ATOSA: variants seen among roughly 807,000 people sequenced by gnomAD.
ATOSA encodes the protein atos homolog A, also known as atos homolog protein A.
At chr15:52,661,580 T>C in the ATOSA span, among the ~76,000 whole-genome samples, 1 of 152,336 alleles carries the variant, frequency 6.6e-6, no homozygotes, top group Non-Finnish European at 1.5e-5. Flanking sequence ...AATAACAAAA[T>C]TATTTTCACG....
At chr15:52,611,909 T>G in the ATOSA span, 1 of 798,736 alleles carries the variant, frequency 1.3e-6, no homozygotes, top group South Asian at 1.8e-5. Context: ...TTGCTCAGAA[T>G]TGGCTATCTA....
the ATOSA span, among the ~76,000 whole-genome samples, chr15:52,589,788 C>T: frequency 6.6e-6 from 1 of 151,788 alleles, no homozygotes; most frequent in Non-Finnish European, 1.5e-5. Context: ...ACATTTTCTT[C>T]TGGCATTTTT....
the ATOSA span, among the ~76,000 whole-genome samples, chr15:52,684,886 G>T: frequency 6.6e-6 from 1 of 152,040 alleles, no homozygotes; most frequent in Non-Finnish European, 1.5e-5. Context: ...TCCACATCAG[G>T]TATTTCTAAT....
At chr15:52,674,853 TATATATAAGCTTATATAACCA>T in the ATOSA span, among the ~76,000 whole-genome samples, 1 of 151,052 alleles carries the variant, frequency 6.6e-6, no homozygotes, top group Non-Finnish European at 1.5e-5. Context: ...TTGTAATGCT[TATATATAAGCTTATATAACCA>T]ATATATAAGC....
At chr15:52,706,551 A>C in the ATOSA span, among the ~76,000 whole-genome samples, 2 of 152,218 alleles carry the variant, frequency 1.3e-5, no homozygotes, top group Non-Finnish European at 1.5e-5. Flanking sequence ...AAGAACAAAC[A>C]ACAAAAAGAA....
At chr15:52,691,883 G>A in the ATOSA span, among the ~76,000 whole-genome samples, 1,915 of 151,742 alleles carry the variant, frequency 0.013, 37 homozygotes, top group African/African-American at 0.045. Context: ...ATTGAAAAAC[G>A]AGTCAAAGAT....
the ATOSA span, among the ~76,000 whole-genome samples, chr15:52,676,478 T>C: frequency 2.0e-5 from 3 of 152,252 alleles, no homozygotes; most frequent in East Asian, 3.9e-4. Context: ...CTGTACTAGT[T>C]TGCTAAGTAA....
At chr15:52,708,319 G>A in the ATOSA span, among the ~76,000 whole-genome samples, 1 of 152,112 alleles carries the variant, frequency 6.6e-6, no homozygotes, top group Non-Finnish European at 1.5e-5. Flanking sequence ...TCTAGCCCCA[G>A]TGTCAAGGCT....
the ATOSA span, among the ~76,000 whole-genome samples, chr15:52,648,281 C>G: frequency 6.6e-5 from 10 of 152,210 alleles, no homozygotes; most frequent in East Asian, 1.7e-3. Context: ...CAATATTACA[C>G]AGCTAAATAA....
At chr15:52,627,020 C>T in the ATOSA span, among the ~76,000 whole-genome samples, 4 of 152,132 alleles carry the variant, frequency 2.6e-5, no homozygotes, top group African/African-American at 7.2e-5. Flanking sequence ...GCTTTCCTGC[C>T]GGAATGCTCT....
the ATOSA span, among the ~76,000 whole-genome samples, chr15:52,619,327 C>T: frequency 6.6e-6 from 1 of 152,060 alleles, no homozygotes; most frequent in African/African-American, 2.4e-5. Flanking sequence ...AACACAACAG[C>T]AAAGTTTACT....
the ATOSA span, among the ~76,000 whole-genome samples, chr15:52,680,788 A>C: frequency 6.6e-6 from 1 of 152,248 alleles, no homozygotes; most frequent in African/African-American, 2.4e-5. Context: ...AAAATGCTAC[A>C]AATGTTAAAT....
chr15:52,699,402 C>T, the ATOSA span, among the ~76,000 whole-genome samples: 1 of 151,822 alleles, frequency 6.6e-6, no homozygotes, highest in South Asian at 2.1e-4. Context: ...ATATGGTCAT[C>T]CTTGATGGGT....
At chr15:52,681,336 A>C in the ATOSA span, among the ~76,000 whole-genome samples, 1 of 152,330 alleles carries the variant, frequency 6.6e-6, no homozygotes, top group South Asian at 2.1e-4. Context: ...GTCTCTGAGA[A>C]TGTAAAGGTC....
chr15:52,614,808 A>G, the ATOSA span, among the ~76,000 whole-genome samples: 1 of 151,972 alleles, frequency 6.6e-6, no homozygotes, highest in Admixed American at 6.6e-5. Context: ...AGATCACCCC[A>G]TTGCACTCCA....
chr15:52,693,051 A>G, the ATOSA span, among the ~76,000 whole-genome samples: 1 of 152,230 alleles, frequency 6.6e-6, no homozygotes, highest in African/African-American at 2.4e-5. Context: ...AAGAACAAGA[A>G]TATCTTTTGC....
the ATOSA span, among the ~76,000 whole-genome samples, chr15:52,629,506 TAA>T: frequency 3.6e-5 from 5 of 139,086 alleles, no homozygotes; most frequent in Non-Finnish European, 4.7e-5. Context: ...TAAGGGTAGT[TAA>T]AAAAAAAAAA....
the ATOSA span, among the ~76,000 whole-genome samples, chr15:52,704,468 A>C: frequency 6.6e-6 from 1 of 152,180 alleles, no homozygotes; most frequent in Non-Finnish European, 1.5e-5. Flanking sequence ...CGACTAAAAC[A>C]CCAAAAGCAA....
chr15:52,661,329 T>C, the ATOSA span, among the ~76,000 whole-genome samples: 1 of 152,248 alleles, frequency 6.6e-6, no homozygotes, highest in Non-Finnish European at 1.5e-5. Flanking sequence ...CAGATGATCA[T>C]TATTTCATTT....
Sources: gnomAD v4.1 joint callset for allele counts (sites outside exome capture counted in the v4.1 genomes callset) on GRCh38, gnomAD v4.1.1 for gene constraint, MANE v1.5 for transcripts, NCBI Gene and HGNC (gene_info 2026-07-23, HGNC 2026-07-21) for gene names.